The following USP29 variants were observed in gnomAD, a reference collection of about 807,000 sequenced individuals.
USP29 encodes ubiquitin carboxyl-terminal hydrolase 29.
For missense variants in USP29, 1,102 were observed against 1,069.0 expected (o/e 1.03, Z -0.43); for synonymous variants, 386 against 387.4 (o/e 1.00, Z 0.04).
At chr19:57,127,438 C>A (rs1274187207) in intron 3 of USP29, among the ~76,000 whole-genome samples, 1 of 152,198 alleles carries the variant, frequency 6.6e-6, no homozygotes, top group Non-Finnish European at 1.5e-5. Context: ...TATCTGTAAG[C>A]CCCTGACTGG....
Position 57,129,656 on chromosome 19 carries a change from T to C in USP29, c.981T>C (p.Ala327=). ...CATGGGAATATATTCCCTTTGAGGC[T>C]CTTATTATGACCTTGACCCAGCTGC... The part of the protein sequence containing the change: ...GVPWEYIPFE[A]LIMTLTQLLA... Residue 327 remains alanine (A), a synonymous_variant, in exon 4 of 4, where the codon GCT becomes GCC. Transcript: ENST00000254181. 6.2e-7 allele frequency: 1 copy of C among 1,614,198 alleles called. No homozygotes were observed. Among genetic ancestry groups the C allele is most frequent in the Non-Finnish European group, 8.5e-7 (1 of 1,180,046 alleles).
chr19:57,128,764 T>G lies in USP29; in HGVS notation c.89T>G (p.Val30Gly). The G allele has an allele frequency of 6.2e-7, 1 of 1,613,786 alleles. No homozygotes were observed. Among genetic ancestry groups the G allele is most frequent in the Non-Finnish European group, 8.5e-7 (1 of 1,179,928 alleles). Residue 30 changes from valine (V) to glycine (G), a missense_variant, in exon 4 of 4, where the codon GTG becomes GGG. Transcript: ENST00000254181. ...CTGAAAGAAGCTCTCATTGAAACAG[T>G]GCAAAGACAAAAGGAAATTAAACTG... ...TKLKEALIETVQRQKEIKLVV... is the reference protein window; with the variant it reads ...TKLKEALIETGQRQKEIKLVV...
Position 57,128,798 on chromosome 19 carries a change from T to C in USP29, c.123T>C (p.Thr41=). ...QRQKEIKLVV[T]FKSGKFIRIF... is the part of the protein sequence containing the mutation. ...AAAAGGAAATTAAACTGGTGGTCACTTTCAAATCTGGAAAATTTATAAGAA... is the reference window on the plus strand; with the variant it reads ...AAAAGGAAATTAAACTGGTGGTCACCTTCAAATCTGGAAAATTTATAAGAA... The change falls in exon 4 of 4, where the codon ACT becomes ACC. Residue 41 remains threonine (T), a synonymous_variant. Coordinates refer to ENST00000254181, the MANE Select transcript of USP29 (RefSeq NM_020903.3). 1 of 1,614,094 alleles carries C rather than the reference T, an allele frequency of 6.2e-7. No individual in the cohort carries two copies. Among genetic ancestry groups the C allele is most frequent in the Non-Finnish European group, 8.5e-7 (1 of 1,180,008 alleles).
Position 57,128,483 on chromosome 19 carries a change from G to C in USP29, c.-16-177G>C, listed in dbSNP as rs2086835017. On this transcript the variant is annotated intron_variant, in intron 3 of 3. Coordinates refer to ENST00000254181, the MANE Select transcript of USP29 (RefSeq NM_020903.3). ...CTCCCTTGAAAATGCGTGTGCCTCAGTCTATGTCTTCTGGAGAACTGGCAC... is the reference window on the plus strand; with the variant it reads ...CTCCCTTGAAAATGCGTGTGCCTCACTCTATGTCTTCTGGAGAACTGGCAC... Among the ~76,000 whole-genome samples, 3 of 152,286 alleles carry C rather than the reference G, an allele frequency of 2.0e-5. No homozygotes were observed. In the South Asian group the frequency reaches 6.2e-4, roughly 32 times the overall value.
At chr19:57,121,694 C>CATATGTTATATATATACAT (rs1194032577) in intron 1 of USP29, among the ~76,000 whole-genome samples, 2 of 146,608 alleles carry the variant, frequency 1.4e-5, no homozygotes, top group Non-Finnish European at 3.0e-5. Flanking sequence ...TATGTACTTA[C>CATATGTTATATATATACAT]ATATGTTATA....
chr19:57,131,624 C>T lies in USP29; in HGVS notation c.*180C>T. Reference sequence around the variant, plus strand: ...TGCTTCAGACACCTAGATCCCAGAACTCAGGCGCATATGCATATTTTCCCT... The same window carrying T: ...TGCTTCAGACACCTAGATCCCAGAATTCAGGCGCATATGCATATTTTCCCT... On this transcript the variant is annotated 3_prime_UTR_variant, in exon 4 of 4. Coordinates refer to ENST00000254181, the MANE Select transcript of USP29 (RefSeq NM_020903.3). 2.1e-6 allele frequency: 2 copies of T among 973,824 alleles called. No homozygotes were observed. The highest frequency in any genetic ancestry group is 3.0e-6 in the Non-Finnish European group (2 of 676,128). 60.3% of individuals were successfully genotyped at this position (973,824 alleles called of 1,614,324 possible).
chr19:57,131,075 A>T lies in USP29; in HGVS notation c.2400A>T (p.Ala800=). Residue 800 remains alanine (A), a synonymous_variant, in exon 4 of 4, where the codon GCA becomes GCT. Coordinates refer to ENST00000254181, the MANE Select transcript of USP29 (RefSeq NM_020903.3). ...CAGGAAACAAAAACATTTTAGATGC[A>T]GAGAACACAAGAGGTGAAGCCAAGG... ...DNPGNKNILD[A]ENTRGEAKEL... 6.2e-7 allele frequency: 1 copy of T among 1,614,152 alleles called. No homozygotes were observed. The highest frequency in any genetic ancestry group is 8.5e-7 in the Non-Finnish European group (1 of 1,180,004).
At chr19:57,128,584 T>C in intron 3 of USP29, 76 bp from the exon 4 acceptor site, 1 of 1,354,988 alleles carries the variant, frequency 7.4e-7, no homozygotes, top group Non-Finnish European at 9.9e-7. Flanking sequence ...CATTATTATA[T>C]GTGGATGAGG....
upstream of USP29, among the ~76,000 whole-genome samples, chr19:57,119,469 C>T (rs370041756): frequency 2.1e-3 from 324 of 152,292 alleles, 1 homozygote; most frequent in African/African-American, 7.2e-3. Flanking sequence ...GTCGCCCAGG[C>T]TGGATTGTAG....
chr19:57,130,776 GT>G lies in USP29; in HGVS notation c.2102del (p.Val701GlufsTer43), dbSNP rs1568456672. 1 of 1,614,152 alleles carries G rather than the reference GT, an allele frequency of 6.2e-7. No homozygotes were observed. Among genetic ancestry groups the G allele is most frequent in the Admixed American group, 1.7e-5 (1 of 60,024 alleles). The stretch of plus-strand genomic sequence containing the variant: ...GAAGTATGAGAAAACCAATACATTC[GT>G]AGAGTTCAATTTTGACAGTGTCACT... ...LQKYEKTNTF[V>X]EFNFDSVTES... On this transcript the variant is annotated frameshift_variant, in exon 4 of 4. Coordinates refer to ENST00000254181, the MANE Select transcript of USP29 (RefSeq NM_020903.3). LOFTEE classifies it low-confidence loss of function (END_TRUNC).
At position 57,130,750 on chromosome 19, in the gene USP29, A is replaced by AG. The variant is rs1322947674; in HGVS notation, c.2076dup (p.Lys693GlufsTer3). 6.2e-7 allele frequency: 1 copy of AG among 1,614,070 alleles called. No individual in the cohort carries two copies. Among genetic ancestry groups the AG allele is most frequent in the African/African-American group, 1.3e-5 (1 of 74,942 alleles). Reference sequence around the variant, plus strand: ...GAGGTGCCTCAACATCCAGAACTTCAGAAGTATGAGAAAACCAATACATTC... The same window carrying AG: ...GAGGTGCCTCAACATCCAGAACTTCAGGAAGTATGAGAAAACCAATACATTC... On this transcript the variant is annotated frameshift_variant, in exon 4 of 4. Transcript: ENST00000254181. LOFTEE classifies it low-confidence loss of function (END_TRUNC).
At position 57,122,443 on chromosome 19, in the gene USP29, T is replaced by G. The variant is rs907075674; in HGVS notation, c.-149T>G. On this transcript the variant is annotated 5_prime_UTR_variant, in exon 2 of 4. Coordinates refer to ENST00000254181, the MANE Select transcript of USP29 (RefSeq NM_020903.3). ...GATCTCATTTCTGAAAAAAGAATTA[T>G]CATCCACTCACCCAGAACAGCTCTC... 2 of 151,902 alleles carry G rather than the reference T, an allele frequency of 1.3e-5. No individual in the cohort carries two copies. Among genetic ancestry groups the G allele is most frequent in the East Asian group, 1.9e-4 (1 of 5,176 alleles). 9.4% of individuals were successfully genotyped at this position (151,902 alleles called of 1,614,324 possible).
chr19:57,125,379 C>G (rs1265141179), intron 3 of USP29, among the ~76,000 whole-genome samples: 1 of 152,118 alleles, frequency 6.6e-6, no homozygotes, highest in East Asian at 1.9e-4. Context: ...AAGTCTCCCA[C>G]TATTATTGTG....
rs768120901 is a variant in USP29, at chr19:57,129,612, T to G, written c.937T>G (p.Leu313Val). The G allele has an allele frequency of 6.2e-7, 1 of 1,614,232 alleles. No homozygotes were observed. The highest frequency in any genetic ancestry group is 8.5e-7 in the Non-Finnish European group (1 of 1,180,048). ...LFAIPSFADD[L>V]LTQGVPWEYI... ...TGCAATTCCATCTTTTGCTGATGAC[T>G]TACTCACTCAAGGTGTCCCATGGGA... The change falls in exon 4 of 4, where the codon TTA becomes GTA. Residue 313 changes from leucine to valine, a missense_variant. Transcript: ENST00000254181.
Position 57,129,957 on chromosome 19 carries a change from T to C in USP29, c.1282T>C (p.Phe428Leu). The C allele has an allele frequency of 1.2e-6, 2 of 1,614,204 alleles. No homozygotes were observed. Among genetic ancestry groups the C allele is most frequent in the Non-Finnish European group, 1.7e-6 (2 of 1,180,038 alleles). Residue 428 changes from phenylalanine to leucine, a missense_variant, in exon 4 of 4, where the codon TTT becomes CTT. By Grantham distance (22) the Phe-to-Leu change is conservative (BLOSUM62 0). Transcript: ENST00000254181. Reference sequence around the variant, plus strand: ...GTTTGTTTGCCCTGTTGTTGCTAATTTTGAGTTTGAATTGCAGCTCTCCCT... The same window carrying C: ...GTTTGTTTGCCCTGTTGTTGCTAATCTTGAGTTTGAATTGCAGCTCTCCCT... The part of the protein sequence containing the change: ...KVFVCPVVAN[F>L]EFELQLSLIC...
chr19:57,124,744 G>A (rs1174007639), intron 3 of USP29, among the ~76,000 whole-genome samples: 1 of 151,854 alleles, frequency 6.6e-6, no homozygotes, highest in African/African-American at 2.4e-5. Context: ...CCTGACCTCA[G>A]GTGATCCACC....
At chr19:57,121,400 T>A in intron 1 of USP29, among the ~76,000 whole-genome samples, 1 of 145,252 alleles carries the variant, frequency 6.9e-6, no homozygotes, top group African/African-American at 2.5e-5. Flanking sequence ...TACTTATATA[T>A]GTTATACATA....
chr19:57,131,283 C>T lies in USP29; in HGVS notation c.2608C>T (p.Gln870Ter). ...ATCAGAAATCTCAGAGACCAAAATG[C>T]AGGAGGCGAGGCTTCACTCTGGGTA... is the stretch of plus-strand genomic sequence containing the variant. Reference protein sequence around the residue: ...CVSEISETKMQEARLHSGYIF... With the variant: ...CVSEISETKM The change falls in exon 4 of 4, where the codon CAG becomes TAG. Residue 870 changes from glutamine (Q) to a stop codon, truncating the protein, a stop_gained. Coordinates refer to ENST00000254181, the MANE Select transcript of USP29 (RefSeq NM_020903.3). LOFTEE classifies it low-confidence loss of function (END_TRUNC). The T allele has an allele frequency of 6.2e-7, 1 of 1,614,156 alleles. No individual in the cohort carries two copies. Among genetic ancestry groups the T allele is most frequent in the Non-Finnish European group, 8.5e-7 (1 of 1,180,040 alleles).
At chr19:57,121,012 T>C (rs1162879086) in intron 1 of USP29, among the ~76,000 whole-genome samples, 2 of 150,842 alleles carry the variant, frequency 1.3e-5, no homozygotes, top group East Asian at 1.9e-4. Context: ...GGAGAATCAC[T>C]TGAACCCAGG....
Sources: allele counts gnomAD v4.1 joint callset (sites outside exome capture counted in the v4.1 genomes callset), GRCh38; gene constraint gnomAD v4.1.1; transcripts MANE v1.5; gene names NCBI Gene and HGNC (gene_info 2026-07-23, HGNC 2026-07-21).